SCAPER: variants seen among roughly 807,000 people sequenced by gnomAD.
The protein encoded by SCAPER is S-phase cyclin A associated protein in the ER, also known as S phase cyclin A-associated protein in the endoplasmic reticulum.
In SCAPER, 98 loss-of-function variants were observed where a neutral mutation model predicts 182.2. The observed-to-expected ratio is 0.54, with a 90% confidence interval of 0.46 to 0.64. The LOEUF (loss-of-function observed/expected upper bound fraction) is 0.64, where lower values mean the gene tolerates loss of function less well. Among genes scored for constraint, SCAPER ranks in the 30% least tolerant of loss-of-function variants. SCAPER has a pLI of 0.00. For missense variants in SCAPER, 1,432 were observed against 1,690.0 expected (o/e 0.85, Z 2.68); for synonymous variants, 605 against 564.6 (o/e 1.07, Z -1.01).
At chr15:76,532,882 T>C (rs1261093654) in intron 23 of SCAPER, among the ~76,000 whole-genome samples, 1 of 152,184 alleles carries the variant, frequency 6.6e-6, no homozygotes, top group Non-Finnish European at 1.5e-5. Flanking sequence ...GGGCCATGAA[T>C]GCTAGGGTTC....
At chr15:76,386,136 A>C (rs960801963) in intron 27 of SCAPER, among the ~76,000 whole-genome samples, 1 of 152,178 alleles carries the variant, frequency 6.6e-6, no homozygotes. Context: ...TCTAACGCTG[A>C]CTTTCTTGCC....
intron 6 of SCAPER, 93 bp from the exon 7 acceptor site, chr15:76,800,457 A>G (rs1219024218): frequency 1.3e-6 from 1 of 797,018 alleles, no homozygotes; most frequent in African/African-American, 1.7e-5. Context: ...TGAAAAAATA[A>G]TCCTACTTTT....
intron 27 of SCAPER, among the ~76,000 whole-genome samples, chr15:76,388,784 C>A (rs2043456096): frequency 6.6e-6 from 1 of 151,742 alleles, no homozygotes. Flanking sequence ...CATGGTGAAA[C>A]CCTGTCTCTA....
chr15:76,871,045 T>C (rs2072690041), intron 2 of SCAPER, among the ~76,000 whole-genome samples: 1 of 151,920 alleles, frequency 6.6e-6, no homozygotes. Flanking sequence ...TAAATGCAAG[T>C]CAAGAAAATA....
At chr15:76,510,887 G>A (rs534915429) in intron 23 of SCAPER, among the ~76,000 whole-genome samples, 18 of 151,096 alleles carry the variant, frequency 1.2e-4, no homozygotes, top group African/African-American at 4.1e-4. Flanking sequence ...GTGTGTGTGT[G>A]TGCGCGCGCG....
rs763818786 is a variant in SCAPER, at chr15:76,574,227, T to C, written c.2769A>G (p.Ser923=). ...LKQVQVQDSG[S]WANNKVSALD... ...AAGCAGACACTTTATTGTTTGCCCA[T>C]GAGCCACTGTCTTGAACTTGTACTT... Residue 923 remains serine, a synonymous_variant, in exon 23 of 32, where the codon TCA becomes TCG. Coordinates refer to ENST00000563290, the MANE Select transcript of SCAPER (RefSeq NM_020843.4). 8 of 1,611,744 alleles carry C rather than the reference T, an allele frequency of 5.0e-6. No homozygotes were observed. Among genetic ancestry groups the C allele is most frequent in the South Asian group, 1.1e-5 (1 of 90,766 alleles).
At chr15:76,407,494 T>TA (rs1431097464) in intron 26 of SCAPER, among the ~76,000 whole-genome samples, 1 of 152,232 alleles carries the variant, frequency 6.6e-6, no homozygotes, top group Non-Finnish European at 1.5e-5. Context: ...CTGTTTTACT[T>TA]ACGTTGTTTC....
chr15:76,587,662 A>T (rs1020308671), intron 22 of SCAPER, among the ~76,000 whole-genome samples: 2 of 152,100 alleles, frequency 1.3e-5, no homozygotes, highest in Non-Finnish European at 2.9e-5. Flanking sequence ...ATATAATTTC[A>T]GTTTTCTTAA....
In SCAPER at chr15:76,479,941, T is replaced by C. The variant is rs570761041; in HGVS notation, c.2955-8606A>G. Among the ~76,000 whole-genome samples the C allele has an allele frequency of 4.6e-5, 7 of 152,340 alleles. No individual in the cohort carries two copies. The East Asian group carries it at 1.3e-3, about 29-fold the overall frequency. On this transcript the variant is annotated intron_variant, in intron 24 of 31. Transcript: ENST00000563290. The stretch of plus-strand genomic sequence containing the variant: ...TTCTGTGCCAAGTAGGGATAGCAAG[T>C]ACTAGGATCACATAAATATGGCTGC...
At chr15:76,723,741 T>G (rs192787684) in intron 17 of SCAPER, among the ~76,000 whole-genome samples, 207 of 152,334 alleles carry the variant, frequency 1.4e-3, no homozygotes, top group African/African-American at 4.9e-3. Flanking sequence ...AGACTAGGAT[T>G]GCAACCCCTG....
At chr15:76,832,801 G>A (rs1464308263) in intron 5 of SCAPER, among the ~76,000 whole-genome samples, 3 of 152,088 alleles carry the variant, frequency 2.0e-5, no homozygotes, top group Non-Finnish European at 4.4e-5. Flanking sequence ...TGCTGCTCCC[G>A]TTTTGCCTTC....
At chr15:76,620,006 G>A (rs2051872270) in intron 22 of SCAPER, among the ~76,000 whole-genome samples, 1 of 152,158 alleles carries the variant, frequency 6.6e-6, no homozygotes, top group South Asian at 2.1e-4. Context: ...AACCTGGGAG[G>A]CAGAGGTTGC....
chr15:76,854,150 T>G (rs966957882), intron 4 of SCAPER, among the ~76,000 whole-genome samples: 14 of 151,976 alleles, frequency 9.2e-5, no homozygotes, highest in Non-Finnish European at 2.1e-4. Context: ...GAACCTGTAG[T>G]CCCAGCTACT....
intron 20 of SCAPER, among the ~76,000 whole-genome samples, chr15:76,689,607 G>A (rs1473525154): frequency 2.0e-5 from 3 of 151,898 alleles, no homozygotes; most frequent in Admixed American, 6.6e-5. Flanking sequence ...TTCTAAACCT[G>A]AGGGCCTAGA....
At chr15:76,649,561 TTTATA>T (rs2054843632) in intron 21 of SCAPER, among the ~76,000 whole-genome samples, 2 of 150,542 alleles carry the variant, frequency 1.3e-5, no homozygotes. Context: ...ATTTTTAATA[TTTATA>T]TTAAATAGTT....
Position 76,695,545 on chromosome 15 carries a change from C to T in SCAPER, c.2508+6213G>A, listed in dbSNP as rs555709722. ...CCAGGAGGCAGAGGTTGCAGTGAGC[C>T]GAGATCAAGCCAATGCACTCCAGCC... On this transcript the variant is annotated intron_variant, in intron 20 of 31. Transcript: ENST00000563290. 1.5e-4 allele frequency among the ~76,000 whole-genome samples: 22 copies of T among 149,158 alleles called. No homozygotes were observed. The East Asian group carries it at 3.2e-3, about 21-fold the overall frequency.
Position 76,765,404 on chromosome 15 carries a change from C to T in SCAPER, c.1546G>A (p.Glu516Lys). The T allele has an allele frequency of 1.9e-6, 3 of 1,613,934 alleles. No homozygotes were observed. The highest frequency in any genetic ancestry group is 2.5e-6 in the Non-Finnish European group (3 of 1,179,856). Residue 516 changes from glutamate (E) to lysine (K), a missense_variant, in exon 13 of 32, where the codon GAA becomes AAA. Glu to Lys is a moderately conservative substitution (Grantham distance 56). Coordinates refer to ENST00000563290, the MANE Select transcript of SCAPER (RefSeq NM_020843.4). ...NTSWGDIVEE[E>K]PARPPGHGIH... is the part of the protein sequence containing the mutation. ...CCATGCCCTGGAGGTCTAGCAGGTT[C>T]TTCTTCTACAATGTCCCCCCAGGAT...
At chr15:76,733,718 C>CACT (rs1359631469) in intron 15 of SCAPER, among the ~76,000 whole-genome samples, 49 of 152,036 alleles carry the variant, frequency 3.2e-4, no homozygotes, top group Middle Eastern at 3.4e-3. Context: ...CGTGCCACTG[C>CACT]ACTCCAGCCT....
At chr15:76,530,173 C>T (rs2043531669) in intron 23 of SCAPER, among the ~76,000 whole-genome samples, 1 of 152,178 alleles carries the variant, frequency 6.6e-6, no homozygotes. Context: ...CTAATGAGAA[C>T]ATACTGCATA....
Sources: gnomAD v4.1 joint callset for allele counts (sites outside exome capture counted in the v4.1 genomes callset) on GRCh38, gnomAD v4.1.1 for gene constraint, MANE v1.5 for transcripts, NCBI Gene and HGNC (gene_info 2026-07-23, HGNC 2026-07-21) for gene names.